Variants in FCHSD2 observed in about 807,000 individuals in gnomAD.
FCHSD2 encodes the protein FCH and double SH3 domains 2, also known as F-BAR and double SH3 domains protein 2.
Under a neutral mutation model 108.1 loss-of-function variants are expected in FCHSD2, and 38 were observed. That is an observed-to-expected ratio of 0.35 (90% CI 0.27 to 0.46). FCHSD2 has a LOEUF of 0.46. Among genes scored for constraint, FCHSD2 ranks in the 20% least tolerant of loss-of-function variants. The pLI is 1.00. For synonymous variants in FCHSD2, 279 were observed against 314.7 expected, an observed-to-expected ratio of 0.89 and a Z score of 1.20; for missense variants, 751 against 897.8, an observed-to-expected ratio of 0.84 and a Z score of 2.09.
At chr11:73,129,830 G>A (rs995413962) in intron 2 of FCHSD2, among the ~76,000 whole-genome samples, 4 of 150,850 alleles carry the variant, frequency 2.7e-5, no homozygotes, top group South Asian at 2.1e-4. Flanking sequence ...CACTTGTTCC[G>A]ATATATCACA....
chr11:72,902,666 T>C (rs1369293608), intron 9 of FCHSD2, 28 bp from the exon 10 acceptor site: 2 of 1,393,968 alleles, frequency 1.4e-6, no homozygotes, highest in East Asian at 4.9e-5. Flanking sequence ...TATCTTTAGG[T>C]CTTTAATGAG....
rs1324377240 is a variant in FCHSD2 at position 72,870,628 on chromosome 11, C to T, written c.1147-2602G>A. ...AAGAATTCCCCCTTTGGGCCAGGTG[C>T]GGTGGCTCACGCCTGTAATCCCAGC... On this transcript the variant is annotated intron_variant, in intron 12 of 19. Coordinates refer to ENST00000409418, the MANE Select transcript of FCHSD2 (RefSeq NM_014824.3). Among the ~76,000 whole-genome samples, 8 of 152,008 alleles carry T rather than the reference C, an allele frequency of 5.3e-5. No individual in the cohort carries two copies. The South Asian group carries it at 1.5e-3, about 28-fold the overall frequency.
intron 5 of FCHSD2, among the ~76,000 whole-genome samples, chr11:73,000,208 A>G (rs559952060): frequency 1.3e-5 from 2 of 152,352 alleles, no homozygotes; most frequent in East Asian, 3.9e-4. Context: ...GAATCAAAAC[A>G]CTGGATGGCT....
chr11:72,850,051 A>C, intron 13 of FCHSD2, among the ~76,000 whole-genome samples, 162 bp from the exon 14 acceptor site: 2 of 136,802 alleles, frequency 1.5e-5, no homozygotes, highest in Non-Finnish European at 3.0e-5. Context: ...GTTATGAAAG[A>C]ATAGAGTTTT....
At chr11:72,912,176 CT>C (rs1176097636) in intron 9 of FCHSD2, among the ~76,000 whole-genome samples, 1 of 152,166 alleles carries the variant, frequency 6.6e-6, no homozygotes, top group Non-Finnish European at 1.5e-5. Flanking sequence ...ACTTCCAGTA[CT>C]ATGTTGAACA....
Position 73,141,912 on chromosome 11 carries a change from GC to G in FCHSD2, c.-36del. 1 of 1,540,408 alleles carries G rather than the reference GC, an allele frequency of 6.5e-7. No individual in the cohort carries two copies. Among genetic ancestry groups the G allele is most frequent in the Non-Finnish European group, 8.7e-7 (1 of 1,144,644 alleles). Reference sequence around the variant, plus strand: ...GGGACATCAATCCTCCCCGACGGCAGCGTTAGCAAGGACCAGGAGGAGGAGG... The same window carrying G: ...GGGACATCAATCCTCCCCGACGGCAGGTTAGCAAGGACCAGGAGGAGGAGG... On this transcript the variant is annotated 5_prime_UTR_variant, in exon 1 of 20. Transcript: ENST00000409418.
chr11:72,957,785 AAAG>A (rs2135367174), intron 8 of FCHSD2, among the ~76,000 whole-genome samples: 1 of 152,222 alleles, frequency 6.6e-6, no homozygotes, highest in South Asian at 2.1e-4. Flanking sequence ...TGGATCAGAA[AAAG>A]AATAATGATA....
intron 8 of FCHSD2, among the ~76,000 whole-genome samples, chr11:72,969,560 A>T (rs1399014286): frequency 3.3e-5 from 5 of 152,204 alleles, no homozygotes; most frequent in Non-Finnish European, 7.3e-5. Context: ...TTTAGGCAAA[A>T]TTATCCTCCT....
Position 72,836,896 on chromosome 11 carries a change from T to C in FCHSD2, c.*1895A>G, listed in dbSNP as rs762868683. ...GATTCCATATCCTGGATGGAGGGGT[T>C]ATTTTTTAAAAAGGAGGCATGTTTT... On this transcript the variant is annotated 3_prime_UTR_variant, in exon 20 of 20. Transcript: ENST00000409418. The C allele has an allele frequency of 6.6e-6, 1 of 152,586 alleles. No individual in the cohort carries two copies. The highest frequency in any genetic ancestry group is 1.5e-5 in the Non-Finnish European group (1 of 68,014). 9.5% of individuals were successfully genotyped at this position (152,586 alleles called of 1,614,324 possible). A position where few individuals can be genotyped will look rare whatever the true frequency, so the allele number is the denominator to read the frequency against.
At chr11:73,066,312 C>T (rs1044747952) in intron 3 of FCHSD2, among the ~76,000 whole-genome samples, 4 of 151,986 alleles carry the variant, frequency 2.6e-5, no homozygotes, top group African/African-American at 2.4e-5. Flanking sequence ...AAATTGAAAC[C>T]GGATCCCTTC....
chr11:73,012,001 T>C (rs1044249232), intron 4 of FCHSD2, among the ~76,000 whole-genome samples: 1 of 152,130 alleles, frequency 6.6e-6, no homozygotes, highest in Non-Finnish European at 1.5e-5. Context: ...ATATAAACCC[T>C]TTGATCCAGC....
At chr11:72,860,454 G>A (rs2135189324) in intron 13 of FCHSD2, among the ~76,000 whole-genome samples, 1 of 152,104 alleles carries the variant, frequency 6.6e-6, no homozygotes, top group East Asian at 1.9e-4. Context: ...AAATAAACTA[G>A]AAATAAAAAA....
At chr11:72,985,221 A>C (rs1386346765) in intron 6 of FCHSD2, 105 bp from the exon 7 acceptor site, 2 of 259,664 alleles carry the variant, frequency 7.7e-6, no homozygotes, top group Non-Finnish European at 1.5e-5. Context: ...TTTTGAAGAT[A>C]CTGCTCTAAA....
In FCHSD2 at chr11:72,977,081, C is replaced by T. The variant is rs535875216; in HGVS notation, c.705+7007G>A. On this transcript the variant is annotated intron_variant, in intron 8 of 19. Transcript: ENST00000409418. ...CTGGGACTACAGGTGCCCACCACCACACCTGGCTAATTTTTGTATTTTTAG... is the reference window on the plus strand; with the variant it reads ...CTGGGACTACAGGTGCCCACCACCATACCTGGCTAATTTTTGTATTTTTAG... 5.3e-5 allele frequency among the ~76,000 whole-genome samples: 8 copies of T among 152,162 alleles called. 1 individual carries two copies. Among genetic ancestry groups the T allele is most frequent in the African/African-American group, 1.4e-4 (6 of 41,506 alleles).
At chr11:73,066,704 C>T (rs1051104696) in intron 3 of FCHSD2, among the ~76,000 whole-genome samples, 2 of 151,776 alleles carry the variant, frequency 1.3e-5, no homozygotes, top group Non-Finnish European at 1.5e-5. Flanking sequence ...CAAAAGAAGA[C>T]ATTTATGTAG....
chr11:73,017,784 C>T (rs1017159375), intron 3 of FCHSD2, among the ~76,000 whole-genome samples: 13 of 152,148 alleles, frequency 8.5e-5, no homozygotes, highest in African/African-American at 3.1e-4. Flanking sequence ...AATTCTCACC[C>T]CTCCCTTTTA....
intron 8 of FCHSD2, among the ~76,000 whole-genome samples, chr11:72,977,534 A>G (rs1857125935): frequency 6.6e-6 from 1 of 152,270 alleles, no homozygotes; most frequent in South Asian, 2.1e-4. Context: ...CAAAAGCATC[A>G]TCACTGGCCA....
At chr11:72,913,804 C>T (rs1196468892) in intron 9 of FCHSD2, among the ~76,000 whole-genome samples, 1 of 73,456 alleles carries the variant, frequency 1.4e-5, no homozygotes, top group Non-Finnish European at 2.9e-5. Context: ...AACTGATATA[C>T]AAAAAAACCA....
chr11:73,131,839 T>C (rs75682240), intron 2 of FCHSD2, among the ~76,000 whole-genome samples: 3,306 of 152,350 alleles, frequency 0.022, 75 homozygotes, highest in African/African-American at 0.058. Context: ...TTTATACTTA[T>C]TAAAAGAGTT....
Sources: allele counts gnomAD v4.1 joint callset (sites outside exome capture counted in the v4.1 genomes callset), GRCh38; gene constraint gnomAD v4.1.1; transcripts MANE v1.5; gene names NCBI Gene and HGNC (gene_info 2026-07-23, HGNC 2026-07-21).